The following PPP1R13B variants were observed in gnomAD, a reference collection of about 807,000 sequenced individuals.
The protein encoded by PPP1R13B is apoptosis-stimulating of p53 protein 1.
Under a neutral mutation model 119.8 loss-of-function variants are expected in PPP1R13B, and 44 were observed. That is an observed-to-expected ratio of 0.37 (90% confidence interval 0.29 to 0.47). PPP1R13B has a LOEUF of 0.47. Among genes scored for constraint, PPP1R13B ranks in the 20% least tolerant of loss-of-function variants. The pLI, the probability that PPP1R13B is intolerant of heterozygous loss-of-function variation, is 0.99. For synonymous variants in PPP1R13B, 542 were observed against 561.5 expected, an observed-to-expected ratio of 0.97 and a Z score of 0.49; for missense variants, 1,227 against 1,413.5, an observed-to-expected ratio of 0.87 and a Z score of 2.12.
chr14:103,739,126 T>A, intron 12 of PPP1R13B, 103 bp from the exon 13 acceptor site: 1 of 1,486,304 alleles, frequency 6.7e-7, no homozygotes, highest in Non-Finnish European at 9.0e-7. Flanking sequence ...CCAAAGACAG[T>A]GGCTCCGCGA....
chr14:103,736,908 T>C (rs1404689910), intron 15 of PPP1R13B: 1 of 152,592 alleles, frequency 6.6e-6, no homozygotes. Context: ...AAGTAATGTG[T>C]GGAATAAATG....
intron 3 of PPP1R13B, among the ~76,000 whole-genome samples, chr14:103,783,533 T>C (rs537471822): frequency 1.5e-4 from 23 of 152,162 alleles, no homozygotes; most frequent in South Asian, 1.2e-3. Flanking sequence ...ATTATAGGCG[T>C]GAGCCACCAC....
In PPP1R13B at chr14:103,734,442, T is replaced by G; in HGVS notation, c.*712A>C. 1 of 443,646 alleles carries G rather than the reference T, an allele frequency of 2.3e-6. No individual in the cohort carries two copies. Among genetic ancestry groups the G allele is most frequent in the Non-Finnish European group, 4.6e-6 (1 of 219,154 alleles). 27.5% of individuals were successfully genotyped at this position (443,646 alleles called of 1,614,324 possible). On this transcript the variant is annotated 3_prime_UTR_variant, in exon 17 of 17. Coordinates refer to ENST00000202556, the MANE Select transcript of PPP1R13B (RefSeq NM_015316.3). Reference sequence around the variant, plus strand: ...CTGAGCAGCATGACAGGCTGTGAGATCGGAGGAGAAGAGTATATGCTGAGG... The same window carrying G: ...CTGAGCAGCATGACAGGCTGTGAGAGCGGAGGAGAAGAGTATATGCTGAGG...
chr14:103,792,078 T>C (rs990885988), intron 2 of PPP1R13B, among the ~76,000 whole-genome samples: 1 of 152,192 alleles, frequency 6.6e-6, no homozygotes, highest in Non-Finnish European at 1.5e-5. Flanking sequence ...TATTTAAATA[T>C]ACCAAGTCTG....
At chr14:103,780,270 G>C (rs1796015514) in intron 3 of PPP1R13B, among the ~76,000 whole-genome samples, 1 of 151,790 alleles carries the variant, frequency 6.6e-6, no homozygotes, top group Non-Finnish European at 1.5e-5. Context: ...AGGATCACTT[G>C]AGACCAGGAG....
intron 4 of PPP1R13B, chr14:103,762,705 T>A: frequency 1.6e-6 from 1 of 617,812 alleles, no homozygotes; most frequent in South Asian, 1.7e-5. Context: ...AACGACTCAG[T>A]CCCTGGGTGT....
intron 1 of PPP1R13B, among the ~76,000 whole-genome samples, chr14:103,805,239 T>C (rs996419931): frequency 1.3e-5 from 2 of 152,166 alleles, no homozygotes; most frequent in Admixed American, 1.3e-4. Flanking sequence ...AAGTCTTGTA[T>C]GCAAATGTTC....
chr14:103,771,159 A>G (rs751600658), intron 4 of PPP1R13B, among the ~76,000 whole-genome samples: 1 of 152,196 alleles, frequency 6.6e-6, no homozygotes, highest in East Asian at 1.9e-4. Flanking sequence ...ACCACTAGAC[A>G]GCTCTCATGA....
intron 4 of PPP1R13B, among the ~76,000 whole-genome samples, chr14:103,773,014 G>A (rs1228680070): frequency 6.6e-6 from 1 of 151,998 alleles, no homozygotes; most frequent in African/African-American, 2.4e-5. Flanking sequence ...ATTAAGCTTT[G>A]GGAGTTCTTT....
At chr14:103,811,518 T>C (rs982904950) in intron 1 of PPP1R13B, among the ~76,000 whole-genome samples, 4 of 151,904 alleles carry the variant, frequency 2.6e-5, no homozygotes, top group African/African-American at 9.7e-5. Context: ...GGAGACCCCA[T>C]CTCTACAAAA....
Position 103,824,245 on chromosome 14 carries a change from C to T in PPP1R13B, c.9+23054G>A, listed in dbSNP as rs574225601. On this transcript the variant is annotated intron_variant, in intron 1 of 16. Transcript: ENST00000202556. ...ATTTTTAGTAGAGACGGGATTTCAC[C>T]GTGTTAGCCAGGATGGTCTCAATCT... Among the ~76,000 whole-genome samples the T allele has an allele frequency of 5.9e-4, 88 of 150,288 alleles. 1 individual carries two copies. Among genetic ancestry groups the T allele is most frequent in the Admixed American group, 5.4e-3 (81 of 15,080 alleles).
intron 1 of PPP1R13B, among the ~76,000 whole-genome samples, chr14:103,818,883 G>A (rs1298238002): frequency 6.6e-6 from 1 of 152,122 alleles, no homozygotes; most frequent in African/African-American, 2.4e-5. Context: ...ATACTAGGTG[G>A]TACTATATAG....
chr14:103,823,184 A>G (rs564845407), intron 1 of PPP1R13B, among the ~76,000 whole-genome samples: 73 of 151,992 alleles, frequency 4.8e-4, no homozygotes, highest in Non-Finnish European at 9.4e-4. Context: ...TAAAAATACA[A>G]AAAATTAGCT....
chr14:103,808,211 G>A (rs539785521), intron 1 of PPP1R13B, among the ~76,000 whole-genome samples: 33 of 151,194 alleles, frequency 2.2e-4, no homozygotes, highest in Admixed American at 1.1e-3. Flanking sequence ...GCCACTGCAC[G>A]CCAGCCCGGG....
chr14:103,773,035 C>T (rs1041104078), intron 4 of PPP1R13B, among the ~76,000 whole-genome samples: 3 of 152,128 alleles, frequency 2.0e-5, no homozygotes, highest in African/African-American at 7.2e-5. Context: ...ATATATTCTG[C>T]ATCTGAATCC....
chr14:103,778,201 G>A (rs908382163), intron 4 of PPP1R13B, among the ~76,000 whole-genome samples: 2 of 139,110 alleles, frequency 1.4e-5, no homozygotes, highest in East Asian at 2.0e-4. Context: ...GGATCTGCCC[G>A]CCTCGGCCTC....
At chr14:103,833,067 A>G (rs1442089840) in intron 1 of PPP1R13B, among the ~76,000 whole-genome samples, 1 of 152,246 alleles carries the variant, frequency 6.6e-6, no homozygotes, top group Non-Finnish European at 1.5e-5. Context: ...AGATGGTGAT[A>G]ATGGTTGCTA....
chr14:103,736,887 A>G (rs1333673547), intron 15 of PPP1R13B: 1 of 153,060 alleles, frequency 6.5e-6, no homozygotes, highest in Non-Finnish European at 1.5e-5. Flanking sequence ...TAGGGCACAT[A>G]GTATGTTCTC....
intron 1 of PPP1R13B, among the ~76,000 whole-genome samples, chr14:103,799,503 G>A (rs1330793555): frequency 2.6e-5 from 4 of 151,860 alleles, no homozygotes; most frequent in Admixed American, 2.0e-4. Flanking sequence ...AGTAGACACA[G>A]GGTTTCGCCA....
Sources: allele counts gnomAD v4.1 joint callset (sites outside exome capture counted in the v4.1 genomes callset), GRCh38; gene constraint gnomAD v4.1.1; transcripts MANE v1.5; gene names NCBI Gene and HGNC (gene_info 2026-07-23, HGNC 2026-07-21).